Variants in SLC24A2 observed in about 807,000 individuals in gnomAD.
SLC24A2 encodes sodium/potassium/calcium exchanger 2.
A neutral mutation model predicts 62.0 loss-of-function variants in SLC24A2; 36 were observed. The observed-to-expected ratio is 0.58, with a 90% confidence interval of 0.44 to 0.77. The LOEUF (loss-of-function observed/expected upper bound fraction) is 0.77. SLC24A2 is among the 30% of genes least tolerant of loss of function. The probability of loss-of-function intolerance (pLI) is 0.00; values close to 1 mark genes in which losing one functional copy is unlikely to be tolerated. For synonymous variants in SLC24A2, 358 were observed against 294.0 expected, an observed-to-expected ratio of 1.22 and a Z score of -2.23; for missense variants, 846 against 817.9, an observed-to-expected ratio of 1.03 and a Z score of -0.42.
intron 8 of SLC24A2, among the ~76,000 whole-genome samples, chr9:19,544,477 G>A (rs1834447260): frequency 6.6e-6 from 1 of 152,058 alleles, no homozygotes; most frequent in Admixed American, 6.5e-5. Flanking sequence ...TCATTATGAT[G>A]CTAACTGGTT....
chr9:19,794,514 A>G, the SLC24A2 span, among the ~76,000 whole-genome samples: 3 of 151,964 alleles, frequency 2.0e-5, no homozygotes, highest in Non-Finnish European at 2.9e-5. Context: ...TTATCTGTAC[A>G]TCAAACCCCT....
chr9:19,592,564 G>T (rs1836590802), intron 5 of SLC24A2, among the ~76,000 whole-genome samples: 1 of 151,718 alleles, frequency 6.6e-6, no homozygotes, highest in East Asian at 1.9e-4. Flanking sequence ...CTACCTACAT[G>T]TCTCTGTGAA....
At chr9:20,015,500 A>G in the SLC24A2 span, among the ~76,000 whole-genome samples, 1 of 152,220 alleles carries the variant, frequency 6.6e-6, no homozygotes, top group African/African-American at 2.4e-5. Flanking sequence ...CTGAGAGTAA[A>G]TATGTCTGCT....
At chr9:20,238,496 T>C in the SLC24A2 span, among the ~76,000 whole-genome samples, 1 of 152,158 alleles carries the variant, frequency 6.6e-6, no homozygotes, top group Non-Finnish European at 1.5e-5. Context: ...ATGAACTGAA[T>C]TGGCCAAGGA....
the SLC24A2 span, among the ~76,000 whole-genome samples, chr9:20,231,275 T>G: frequency 6.6e-6 from 1 of 152,186 alleles, no homozygotes; most frequent in African/African-American, 2.4e-5. Flanking sequence ...GTGAAGAAAG[T>G]CGTTGGTAGC....
At chr9:20,113,544 G>A in the SLC24A2 span, among the ~76,000 whole-genome samples, 2 of 152,030 alleles carry the variant, frequency 1.3e-5, no homozygotes, top group South Asian at 2.1e-4. Flanking sequence ...TAACTGAAAT[G>A]TCCACTTTTT....
the SLC24A2 span, among the ~76,000 whole-genome samples, chr9:20,240,547 C>T: frequency 8.3e-4 from 127 of 152,264 alleles, no homozygotes; most frequent in South Asian, 2.3e-3. Flanking sequence ...TGGCTTGGGG[C>T]CAAACTAAGC....
At chr9:20,003,043 G>T in the SLC24A2 span, among the ~76,000 whole-genome samples, 1 of 152,152 alleles carries the variant, frequency 6.6e-6, no homozygotes, top group Non-Finnish European at 1.5e-5. Context: ...CCCCATAAAT[G>T]ATAAATCTGG....
rs747743912 is a variant in SLC24A2, at chr9:19,710,203, T to C, written c.930+75734A>G. On this transcript the variant is annotated intron_variant, in intron 2 of 10. Coordinates refer to ENST00000341998, the MANE Select transcript of SLC24A2 (RefSeq NM_020344.4). Reference sequence around the variant, plus strand: ...ATTTTTTTGACTGATTAATTCATCATTCAACAACTGTGTACCATGTGACCA... The same window carrying C: ...ATTTTTTTGACTGATTAATTCATCACTCAACAACTGTGTACCATGTGACCA... 4.2e-4 allele frequency among the ~76,000 whole-genome samples: 64 copies of C among 152,194 alleles called. 1 individual carries two copies. Among genetic ancestry groups the C allele is most frequent in the Non-Finnish European group, 5.0e-4 (34 of 68,032 alleles).
the SLC24A2 span, among the ~76,000 whole-genome samples, chr9:20,043,594 G>A: frequency 2.6e-5 from 4 of 152,218 alleles, no homozygotes; most frequent in African/African-American, 9.6e-5. Context: ...AGATGACCTT[G>A]AGAGGTTTAA....
At chr9:20,085,149 C>A in the SLC24A2 span, among the ~76,000 whole-genome samples, 1 of 152,152 alleles carries the variant, frequency 6.6e-6, no homozygotes, top group African/African-American at 2.4e-5. Context: ...GAGAGCACCA[C>A]TATGCCCAGC....
At chr9:20,007,514 T>C in the SLC24A2 span, among the ~76,000 whole-genome samples, 1 of 152,158 alleles carries the variant, frequency 6.6e-6, no homozygotes, top group Non-Finnish European at 1.5e-5. Context: ...CATGTGTGAA[T>C]ATATATGTAT....
At chr9:19,859,609 A>C in the SLC24A2 span, among the ~76,000 whole-genome samples, 1 of 152,228 alleles carries the variant, frequency 6.6e-6, no homozygotes, top group Non-Finnish European at 1.5e-5. Context: ...CTACATGCAC[A>C]ATAAATCACC....
intron 2 of SLC24A2, among the ~76,000 whole-genome samples, chr9:19,650,816 G>T (rs1427404878): frequency 2.5e-5 from 3 of 119,454 alleles, no homozygotes; most frequent in African/African-American, 3.5e-5. Flanking sequence ...GTAAACATCA[G>T]CTTCTAGTGT....
chr9:20,117,318 T>A, the SLC24A2 span, among the ~76,000 whole-genome samples: 1 of 152,122 alleles, frequency 6.6e-6, no homozygotes, highest in South Asian at 2.1e-4. Flanking sequence ...AGCAACAGCA[T>A]GGAAGGAGAC....
At chr9:19,877,166 G>A in the SLC24A2 span, among the ~76,000 whole-genome samples, 1 of 151,208 alleles carries the variant, frequency 6.6e-6, no homozygotes, top group Non-Finnish European at 1.5e-5. Context: ...TTTTTATTGG[G>A]CCCCAGTGAG....
At chr9:20,305,978 T>C in the SLC24A2 span, among the ~76,000 whole-genome samples, 1 of 152,170 alleles carries the variant, frequency 6.6e-6, no homozygotes, top group East Asian at 1.9e-4. Flanking sequence ...GTCTGTGTCC[T>C]TTTTTTAAGG....
At chr9:19,529,259 G>T (rs905860601) in intron 8 of SLC24A2, among the ~76,000 whole-genome samples, 2 of 152,102 alleles carry the variant, frequency 1.3e-5, no homozygotes. Flanking sequence ...TGTCCGAAAG[G>T]CTGACCTTGG....
the SLC24A2 span, among the ~76,000 whole-genome samples, chr9:20,004,572 C>T: frequency 2.4e-4 from 36 of 152,274 alleles, no homozygotes; most frequent in Admixed American, 1.4e-3. Flanking sequence ...ATGGGATGAT[C>T]TCCATTAGTG....
Sources: allele counts gnomAD v4.1 joint callset (sites outside exome capture counted in the v4.1 genomes callset), GRCh38; gene constraint gnomAD v4.1.1; transcripts MANE v1.5; gene names NCBI Gene and HGNC (gene_info 2026-07-23, HGNC 2026-07-21).